Variants in ATXN7L1 observed in about 807,000 individuals in gnomAD.
ATXN7L1 encodes the protein ataxin 7 like 1, also known as ataxin-7-like protein 1.
In ATXN7L1, 15 loss-of-function variants were observed where a neutral mutation model predicts 70.8. The observed-to-expected ratio is 0.21, with a 90% confidence interval of 0.14 to 0.33. The LOEUF is 0.33. Ranked by LOEUF, ATXN7L1 falls within the 10% of genes least tolerant of loss-of-function variation. The pLI is 1.00. For synonymous variants in ATXN7L1, 440 were observed against 445.1 expected (o/e 0.99, Z 0.14); for missense variants, 975 against 1,097.1 (o/e 0.89, Z 1.57).
chr7:105,853,726 T>G (rs1434716700), intron 2 of ATXN7L1, among the ~76,000 whole-genome samples: 1 of 152,152 alleles, frequency 6.6e-6, no homozygotes, highest in Non-Finnish European at 1.5e-5. Context: ...ATTGCACCAC[T>G]GCACTCCAGC....
intron 3 of ATXN7L1, chr7:105,761,185 C>T: frequency 7.5e-7 from 1 of 1,334,086 alleles, no homozygotes; most frequent in Non-Finnish European, 9.6e-7. Flanking sequence ...CCCACAGGTA[C>T]CCCCTGCTCT....
At chr7:105,653,954 C>G (rs1030325721) in intron 4 of ATXN7L1, among the ~76,000 whole-genome samples, 1 of 152,158 alleles carries the variant, frequency 6.6e-6, no homozygotes, top group Non-Finnish European at 1.5e-5. Context: ...CTGTTCCTTC[C>G]TAGGTGTTTC....
intron 3 of ATXN7L1, among the ~76,000 whole-genome samples, chr7:105,683,785 C>T (rs531824322): frequency 2.0e-5 from 3 of 152,238 alleles, no homozygotes; most frequent in South Asian, 4.1e-4. Flanking sequence ...GCTCCACTAG[C>T]TATTTACAAA....
chr7:105,717,307 T>C (rs767763735), intron 3 of ATXN7L1, among the ~76,000 whole-genome samples: 5 of 152,110 alleles, frequency 3.3e-5, no homozygotes, highest in Non-Finnish European at 7.4e-5. Flanking sequence ...TTTGTATTTT[T>C]AGTAGAGACG....
intron 2 of ATXN7L1, among the ~76,000 whole-genome samples, chr7:105,845,761 T>A (rs1045233455): frequency 6.6e-6 from 1 of 152,196 alleles, no homozygotes; most frequent in Non-Finnish European, 1.5e-5. Context: ...TATGGTCAAC[T>A]GATCTTCATC....
rs1396140647 is a variant in ATXN7L1, at chr7:105,607,757, C to G, written c.*95G>C. On this transcript the variant is annotated 3_prime_UTR_variant, in exon 12 of 12. Coordinates refer to ENST00000419735, the MANE Select transcript of ATXN7L1 (RefSeq NM_020725.2). ...AGGGAGTGCACAGAAAACAGACTCTCCCCCCAGCCCACTCCCCTCCCTCCT... is the reference window on the plus strand; with the variant it reads ...AGGGAGTGCACAGAAAACAGACTCTGCCCCCAGCCCACTCCCCTCCCTCCT... 1 of 1,135,682 alleles carries G rather than the reference C, an allele frequency of 8.8e-7. No individual in the cohort carries two copies. The highest frequency in any genetic ancestry group is 1.6e-5 in the African/African-American group (1 of 64,234). The allele number at this position is 1,135,682 out of a possible 1,614,324, so 70.4% of individuals were successfully genotyped here.
intron 3 of ATXN7L1, among the ~76,000 whole-genome samples, chr7:105,669,056 C>A (rs1474919659): frequency 6.6e-6 from 1 of 152,086 alleles, no homozygotes; most frequent in East Asian, 1.9e-4. Flanking sequence ...CACAAAACAA[C>A]TGTATCAGTG....
intron 4 of ATXN7L1, among the ~76,000 whole-genome samples, chr7:105,663,209 G>A (rs555727670): frequency 1.2e-4 from 18 of 152,188 alleles, no homozygotes; most frequent in Non-Finnish European, 2.2e-4. Context: ...ACCACTCTCC[G>A]GCTGAGTCTT....
chr7:105,700,303 C>A (rs890010969), intron 3 of ATXN7L1, among the ~76,000 whole-genome samples: 2 of 151,938 alleles, frequency 1.3e-5, no homozygotes, highest in African/African-American at 4.8e-5. Flanking sequence ...GCCAGGAGTT[C>A]GATACCAGCC....
At chr7:105,716,425 C>G (rs1218539879) in intron 3 of ATXN7L1, among the ~76,000 whole-genome samples, 2 of 151,962 alleles carry the variant, frequency 1.3e-5, no homozygotes, top group African/African-American at 4.8e-5. Context: ...ATATGGGGGC[C>G]CAGTTGTTTT....
intron 2 of ATXN7L1, among the ~76,000 whole-genome samples, chr7:105,796,110 A>C (rs1585027060): frequency 6.6e-6 from 1 of 152,276 alleles, no homozygotes; most frequent in East Asian, 1.9e-4. Context: ...CACGCCTGTA[A>C]TCCCAGCACT....
chr7:105,639,473 G>T lies in ATXN7L1; in HGVS notation c.945+14C>A. On this transcript the variant is annotated intron_variant, in intron 6 of 11. Transcript: ENST00000419735. The stretch of plus-strand genomic sequence containing the variant: ...AGCGAGAGCAGGAAGTATTTTTTAT[G>T]GAAAGAGAAATACCTTGCAGGTGAG... 6.5e-7 allele frequency: 1 copy of T among 1,543,108 alleles called. No individual in the cohort carries two copies. Among genetic ancestry groups the T allele is most frequent in the Non-Finnish European group, 8.8e-7 (1 of 1,139,474 alleles).
chr7:105,750,554 C>A (rs1716339761), intron 3 of ATXN7L1, among the ~76,000 whole-genome samples: 1 of 149,120 alleles, frequency 6.7e-6, no homozygotes. Flanking sequence ...CCAATCCCAG[C>A]ACTTTGGGAG....
chr7:105,674,681 C>G (rs1055577006), intron 3 of ATXN7L1, among the ~76,000 whole-genome samples: 3 of 152,210 alleles, frequency 2.0e-5, no homozygotes, highest in African/African-American at 7.2e-5. Context: ...CTTACAAGGG[C>G]ATTTCCCATT....
rs1217786999 is a variant in ATXN7L1, at chr7:105,614,215, C to A, written c.2119G>T (p.Val707Leu). Residue 707 changes from valine to leucine, a missense_variant, in exon 10 of 12, where the codon GTG (valine) becomes TTG (leucine). Physicochemically the swap from Val to Leu is conservative, Grantham distance 32. Coordinates refer to ENST00000419735, the MANE Select transcript of ATXN7L1 (RefSeq NM_020725.2). This position sits in a 1 kb window ranked among gnomAD's most constrained non-coding sequence, Gnocchi z 4.3. ...SLSVHNSNNG[V>L]SPLSAKLEPS... is the part of the protein sequence containing the mutation. Reference sequence around the variant, plus strand: ...TCCAGTTTGGCACTGAGTGGGCTCACCCCATTGTTTGAGTTGTGCACAGAC... The same window carrying A: ...TCCAGTTTGGCACTGAGTGGGCTCAACCCATTGTTTGAGTTGTGCACAGAC... The A allele has an allele frequency of 1.9e-6, 3 of 1,551,598 alleles. No homozygotes were observed. The highest frequency in any genetic ancestry group is 2.6e-6 in the Non-Finnish European group (3 of 1,147,004).
intron 3 of ATXN7L1, among the ~76,000 whole-genome samples, chr7:105,746,710 A>G (rs1798628147): frequency 6.6e-6 from 1 of 152,226 alleles, no homozygotes; most frequent in Non-Finnish European, 1.5e-5. Flanking sequence ...ACTGCTTGGC[A>G]CATAATAGGA....
intron 3 of ATXN7L1, among the ~76,000 whole-genome samples, chr7:105,775,455 C>T (rs1802595801): frequency 1.3e-5 from 2 of 152,112 alleles, no homozygotes; most frequent in African/African-American, 4.8e-5. Flanking sequence ...ATGTGACACT[C>T]CAGGAAGGAG....
At chr7:105,609,369 A>T (rs964018066) in intron 11 of ATXN7L1, among the ~76,000 whole-genome samples, 1 of 152,204 alleles carries the variant, frequency 6.6e-6, no homozygotes, top group East Asian at 1.9e-4. Context: ...GGGTTTCACC[A>T]TGTGGGCAAG....
intron 3 of ATXN7L1, among the ~76,000 whole-genome samples, chr7:105,753,507 T>C (rs143636561): frequency 1.2e-4 from 19 of 152,354 alleles, no homozygotes; most frequent in African/African-American, 4.6e-4. Flanking sequence ...GCTTTCTTTT[T>C]CCTATCTATG....
Sources: gnomAD v4.1 joint callset for allele counts (sites outside exome capture counted in the v4.1 genomes callset) on GRCh38, gnomAD v4.1.1 for gene constraint, Gnocchi (gnomAD v3.1) non-coding constraint, MANE v1.5 for transcripts, NCBI Gene and HGNC (gene_info 2026-07-23, HGNC 2026-07-21) for gene names.